Variants in CCSER1 observed in about 807,000 individuals in gnomAD.
The protein encoded by CCSER1 is coiled-coil serine rich protein 1.
In CCSER1, 41 loss-of-function variants were observed where a neutral mutation model predicts 82.0. The observed-to-expected ratio is 0.50, with a 90% CI of 0.39 to 0.65. The LOEUF (loss-of-function observed/expected upper bound fraction) is 0.65. Among genes scored for constraint, CCSER1 ranks in the 30% least tolerant of loss-of-function variants. The pLI is 0.00. For synonymous variants in CCSER1, 414 were observed against 383.9 expected (o/e 1.08, Z -0.92); for missense variants, 1,119 against 1,064.2 (o/e 1.05, Z -0.72).
intron 10 of CCSER1, among the ~76,000 whole-genome samples, chr4:91,386,694 G>A (rs1349381759): frequency 6.6e-6 from 1 of 152,022 alleles, no homozygotes; most frequent in Non-Finnish European, 1.5e-5. Flanking sequence ...CTTTATCCAG[G>A]TGATTGTAAA....
chr4:91,176,040 A>G (rs1268912329), intron 10 of CCSER1, among the ~76,000 whole-genome samples: 1 of 152,222 alleles, frequency 6.6e-6, no homozygotes, highest in African/African-American at 2.4e-5. Flanking sequence ...CTTTCTACAT[A>G]TGGCTAGCCA....
At chr4:90,779,333 T>C (rs1326324392) in intron 7 of CCSER1, among the ~76,000 whole-genome samples, 1 of 152,160 alleles carries the variant, frequency 6.6e-6, no homozygotes, top group East Asian at 1.9e-4. Flanking sequence ...TTTCAAGGTA[T>C]ACATTACTTC....
chr4:90,874,686 A>G (rs965983224), intron 8 of CCSER1, among the ~76,000 whole-genome samples: 6 of 152,198 alleles, frequency 3.9e-5, no homozygotes, highest in African/African-American at 9.6e-5. Context: ...TAAAGGAAAT[A>G]CTAATCCCTT....
rs1200603248 is a variant in CCSER1, at chr4:90,838,532, G to T, written c.2094+22687G>T. The stretch of plus-strand genomic sequence containing the variant: ...TTTATTTGCATATTAAAAAAATTGT[G>T]CATTCCAATAATTAAAATCATTTGA... On this transcript the variant is annotated intron_variant, in intron 8 of 10. Coordinates refer to ENST00000509176, the MANE Select transcript of CCSER1 (RefSeq NM_001145065.2). Among the ~76,000 whole-genome samples the T allele has an allele frequency of 6.7e-5, 10 of 149,620 alleles. No homozygotes were observed. In the East Asian group the frequency reaches 9.8e-4, roughly 15 times the overall value.
In CCSER1 at chr4:90,470,762, C is replaced by CAAAAAAAAA. The variant is rs754754971; in HGVS notation, c.1724+2419_1724+2427dup. On this transcript the variant is annotated intron_variant, in intron 5 of 10. Transcript: ENST00000509176. The stretch of plus-strand genomic sequence containing the variant: ...AATTTCTCATTCCTTTTAATCAAAG[C>CAAAAAAAAA]AAAAAAAAAAAAAAAAAAACAAAAC... Among the ~76,000 whole-genome samples the CAAAAAAAAA allele has an allele frequency of 1.3e-3, 91 of 71,178 alleles. 1 individual carries two copies. The highest frequency in any genetic ancestry group is 2.6e-3 in the African/African-American group (49 of 19,196). 46.7% of individuals were successfully genotyped at this position (71,178 alleles called of 152,430 possible).
intron 10 of CCSER1, among the ~76,000 whole-genome samples, chr4:91,341,546 T>C (rs748725926): frequency 6.6e-6 from 1 of 152,164 alleles, no homozygotes; most frequent in African/African-American, 2.4e-5. Context: ...TTTGGTTGTT[T>C]GTTTTGTTTT....
At chr4:91,438,722 T>TCA (rs199931765) in intron 10 of CCSER1, among the ~76,000 whole-genome samples, 1 of 151,824 alleles carries the variant, frequency 6.6e-6, no homozygotes, top group South Asian at 2.1e-4. Context: ...GACAAAGAAG[T>TCA]AAAACTTTCA....
rs1727659770 is a variant in CCSER1, at chr4:90,276,251, T to TTTCTTTCTTTCC, written c.-41-31990_-41-31989insTTTCTTTCCTTC. ...CTTTCTTTCTTTCTTTCTTTCTTTC[T>TTTCTTTCTTTCC]TTCCTTCCTTCCTTCCTTCCTTCCT... On this transcript the variant is annotated intron_variant, in intron 1 of 10. Transcript: ENST00000509176. 8.2e-4 allele frequency among the ~76,000 whole-genome samples: 63 copies of TTTCTTTCTTTCC among 76,716 alleles called. 2 individuals carry two copies. Among genetic ancestry groups the TTTCTTTCTTTCC allele is most frequent in the East Asian group, 2.4e-3 (6 of 2,494 alleles). The allele number at this position is 76,716 out of a possible 152,430, so 50.3% of individuals were successfully genotyped here.
intron 3 of CCSER1, among the ~76,000 whole-genome samples, chr4:90,362,206 T>G (rs1269679250): frequency 1.3e-5 from 2 of 152,194 alleles, no homozygotes; most frequent in Admixed American, 1.3e-4. Context: ...AATTATTTCA[T>G]GAAATTTAAA....
At chr4:90,268,538 A>T (rs571721971) in intron 1 of CCSER1, among the ~76,000 whole-genome samples, 1 of 152,292 alleles carries the variant, frequency 6.6e-6, no homozygotes, top group African/African-American at 2.4e-5. Flanking sequence ...ATAAAAAAAT[A>T]AAACAGATAC....
rs148297612 is a variant in CCSER1 at position 90,300,833 on chromosome 4, A to G, written c.-41-7411A>G. Among the ~76,000 whole-genome samples the G allele has an allele frequency of 1.7e-4, 26 of 151,924 alleles. 1 individual carries two copies. Among genetic ancestry groups the G allele is most frequent in the Middle Eastern group, 6.8e-3 (2 of 294 alleles). On this transcript the variant is annotated intron_variant, in intron 1 of 10. Transcript: ENST00000509176. The stretch of plus-strand genomic sequence containing the variant: ...CATTTGGAATCACAAAAGAAAGAGT[A>G]TTTGTTTTTTGAGACAGGGTCTCGC...
intron 1 of CCSER1, among the ~76,000 whole-genome samples, chr4:90,229,090 G>A (rs551432649): frequency 6.6e-6 from 1 of 152,282 alleles, no homozygotes; most frequent in African/African-American, 2.4e-5. Context: ...AGCAAGGCAG[G>A]CCAACATTCA....
At chr4:91,217,968 C>T (rs527253236) in intron 10 of CCSER1, among the ~76,000 whole-genome samples, 2 of 152,208 alleles carry the variant, frequency 1.3e-5, no homozygotes, top group Admixed American at 6.5e-5. Flanking sequence ...GCTGTGAGCT[C>T]GCATTCCTCA....
intron 4 of CCSER1, among the ~76,000 whole-genome samples, chr4:90,444,130 G>A (rs1760291287): frequency 6.6e-6 from 1 of 151,938 alleles, no homozygotes; most frequent in African/African-American, 2.4e-5. Flanking sequence ...TAGAATGTGT[G>A]GAATTTCCTG....
At chr4:91,134,253 G>C (rs1728257575) in intron 10 of CCSER1, among the ~76,000 whole-genome samples, 1 of 151,884 alleles carries the variant, frequency 6.6e-6, no homozygotes, top group South Asian at 2.1e-4. Context: ...AAAGATTATT[G>C]GGGTGTAGTG....
chr4:90,471,745 C>T (rs997731303), intron 5 of CCSER1, among the ~76,000 whole-genome samples: 25 of 151,274 alleles, frequency 1.7e-4, no homozygotes, highest in African/African-American at 4.8e-4. Flanking sequence ...GAGGCCGAGG[C>T]GGGCGGATCA....
chr4:91,385,383 C>T (rs889455302), intron 10 of CCSER1, among the ~76,000 whole-genome samples: 2 of 151,958 alleles, frequency 1.3e-5, no homozygotes, highest in Admixed American at 1.3e-4. Context: ...CATATACCAA[C>T]TTATCTGAAT....
chr4:91,351,194 T>A (rs933626604), intron 10 of CCSER1, among the ~76,000 whole-genome samples: 1 of 152,038 alleles, frequency 6.6e-6, no homozygotes, highest in Non-Finnish European at 1.5e-5. Flanking sequence ...CTACACATAT[T>A]ACTTTATTAT....
At chr4:90,245,508 A>G (rs1232309560) in intron 1 of CCSER1, among the ~76,000 whole-genome samples, 1 of 152,186 alleles carries the variant, frequency 6.6e-6, no homozygotes, top group East Asian at 1.9e-4. Flanking sequence ...GCATGCTCTT[A>G]TAACAGCCCA....
Sources: allele counts gnomAD v4.1 joint callset (sites outside exome capture counted in the v4.1 genomes callset), GRCh38; gene constraint gnomAD v4.1.1; transcripts MANE v1.5; gene names NCBI Gene and HGNC (gene_info 2026-07-23, HGNC 2026-07-21).